C3orf52: variants seen among roughly 807,000 people sequenced by gnomAD.
C3orf52 encodes TPA-induced transmembrane protein.
C3orf52 carries 22 observed loss-of-function variants against 24.8 expected under a neutral mutation model. That is an observed-to-expected ratio of 0.89 (90% CI 0.63 to 1.27). C3orf52 has a LOEUF of 1.27. Among genes scored for constraint, C3orf52 ranks in the 50% most tolerant of loss-of-function variants. The probability of loss-of-function intolerance (pLI) is 0.00; values close to 1 mark genes in which losing one functional copy is unlikely to be tolerated. For synonymous variants in C3orf52, 93 were observed against 100.2 expected (o/e 0.93, Z 0.43); for missense variants, 265 against 260.7 (o/e 1.02, Z -0.11).
downstream of C3orf52, chr3:112,129,138 A>G (rs1492483): frequency 0.4 from 60,298 of 152,012 alleles, 11,999 homozygotes; most frequent in South Asian, 0.45. Context: ...TGTGCTTCAG[A>G]CCGTTTGCTT....
intron 4 of C3orf52, 199 bp downstream of exon 4, chr3:112,109,812 G>T: frequency 2.2e-6 from 1 of 453,370 alleles, no homozygotes; most frequent in Non-Finnish European, 4.0e-6. Context: ...ATGAGAAAAA[G>T]GAAGCCCAGA....
At chr3:112,107,937 A>G (rs961321838) in intron 3 of C3orf52, among the ~76,000 whole-genome samples, 1 of 152,224 alleles carries the variant, frequency 6.6e-6, no homozygotes, top group Admixed American at 6.5e-5. Flanking sequence ...TAAGCTCCCC[A>G]TAGGGCACTG....
chr3:112,127,703 T>G (rs2074359389), intron 4 of C3orf52, among the ~76,000 whole-genome samples: 1 of 152,240 alleles, frequency 6.6e-6, no homozygotes, highest in Non-Finnish European at 1.5e-5. Flanking sequence ...GTGCAAGGGA[T>G]AGAAATGTGT....
intron 4 of C3orf52, among the ~76,000 whole-genome samples, chr3:112,127,769 G>A (rs547497291): frequency 2.0e-5 from 3 of 152,274 alleles, no homozygotes; most frequent in Non-Finnish European, 4.4e-5. Flanking sequence ...TGTTTTCTAC[G>A]TTAGTAGCTA....
downstream of C3orf52, chr3:112,135,135 G>C (rs2074538175): frequency 6.5e-6 from 1 of 154,588 alleles, no homozygotes; most frequent in African/African-American, 2.4e-5. Flanking sequence ...CAGACAAAAG[G>C]TTAAAAAAGA....
chr3:112,104,282 A>G (rs1010360033), intron 3 of C3orf52, among the ~76,000 whole-genome samples: 14 of 152,198 alleles, frequency 9.2e-5, no homozygotes, highest in African/African-American at 3.4e-4. Flanking sequence ...TGGGTGGGGC[A>G]TCCTGATCAT....
chr3:112,115,398 T>TA (rs980775416), intron 5 of C3orf52, among the ~76,000 whole-genome samples: 4 of 152,254 alleles, frequency 2.6e-5, no homozygotes, highest in Non-Finnish European at 5.9e-5. Context: ...AATGAGTTCT[T>TA]ACGCCAGTTT....
chr3:112,108,063 A>C (rs79535309), intron 3 of C3orf52, among the ~76,000 whole-genome samples: 7,386 of 152,300 alleles, frequency 0.048, 222 homozygotes, highest in South Asian at 0.1. Context: ...GGATTCAGAT[A>C]TCTGAAACAC....
At position 112,111,114 on chromosome 3, in the gene C3orf52, C is replaced by T. The variant is rs141578991; in HGVS notation, c.467+1501C>T. ...AACCCAGCTACTTGGGAGGCTGAAG[C>T]GGGAGAATTGTGTGAACCAGGGAGT... On this transcript the variant is annotated intron_variant, in intron 4 of 5. Coordinates refer to ENST00000264848, the MANE Select transcript of C3orf52 (RefSeq NM_024616.3). Among the ~76,000 whole-genome samples the T allele has an allele frequency of 2.6e-3, 399 of 152,300 alleles. 1 individual carries two copies. Among genetic ancestry groups the T allele is most frequent in the Middle Eastern group, 6.8e-3 (2 of 294 alleles).
At chr3:112,104,466 C>T (rs1201180668) in intron 3 of C3orf52, among the ~76,000 whole-genome samples, 1 of 152,132 alleles carries the variant, frequency 6.6e-6, no homozygotes, top group East Asian at 1.9e-4. Flanking sequence ...CCTGAAGAGG[C>T]GATTCCATCC....
intron 2 of C3orf52, among the ~76,000 whole-genome samples, chr3:112,100,211 C>T (rs906990021): frequency 1.1e-4 from 17 of 152,298 alleles, no homozygotes; most frequent in African/African-American, 2.9e-4. Flanking sequence ...CTACTTTCTT[C>T]GTGGGCGATG....
intron 3 of C3orf52, among the ~76,000 whole-genome samples, chr3:112,109,082 G>A (rs919217202): frequency 2.0e-5 from 3 of 152,174 alleles, no homozygotes; most frequent in African/African-American, 7.2e-5. Flanking sequence ...TCCAGGGGAT[G>A]TGCTAGACCC....
Position 112,093,377 on chromosome 3 carries a change from C to T in C3orf52, c.156C>T (p.Pro52=). ...CTTTCTAGGCTAACAAGGAAAGCCC[C>T]TGGAGCTCCTGTAATAAGAATGTGG... ...VPPAEANKES[P]WSSCNKNVVG... Residue 52 remains proline (P), a synonymous_variant, in exon 2 of 6, where the codon CCC becomes CCT. Transcript: ENST00000264848. 1 of 1,613,924 alleles carries T rather than the reference C, an allele frequency of 6.2e-7. No individual in the cohort carries two copies. Among genetic ancestry groups the T allele is most frequent in the Non-Finnish European group, 8.5e-7 (1 of 1,179,860 alleles).
rs1364049600 is a variant in C3orf52 at position 112,113,138 on chromosome 3, G to A, written c.642G>A (p.Leu214=). Residue 214 remains leucine (L), a synonymous_variant, in exon 5 of 6, where the codon TTG becomes TTA. Coordinates refer to ENST00000264848, the MANE Select transcript of C3orf52 (RefSeq NM_024616.3). ...TGGGGCTTGATCCAACATCCCTCTT[G>A]CTCTATGGTAAGTAGAGCAAGTAAA... ...ESLGLDPTSL[L]LYE is the part of the protein sequence containing the mutation. The A allele has an allele frequency of 2.5e-6, 4 of 1,603,564 alleles. No homozygotes were observed. Among genetic ancestry groups the A allele is most frequent in the Non-Finnish European group, 3.4e-6 (4 of 1,175,434 alleles).
At chr3:112,103,154 G>A (rs2073990465) in intron 3 of C3orf52, among the ~76,000 whole-genome samples, 189 bp downstream of exon 3, 1 of 152,134 alleles carries the variant, frequency 6.6e-6, no homozygotes, top group African/African-American at 2.4e-5. Context: ...ACAAGTGGGA[G>A]CTAAATGATG....
chr3:112,087,776 T>A (rs535920203), intron 1 of C3orf52, among the ~76,000 whole-genome samples: 9,199 of 152,248 alleles, frequency 0.06, 377 homozygotes, highest in African/African-American at 0.12. Flanking sequence ...CAGGGCGGTG[T>A]CCAGGAATGG....
At chr3:112,112,715 C>CTAGGAA in intron 4 of C3orf52, 1 of 491,692 alleles carries the variant, frequency 2.0e-6, no homozygotes, top group Non-Finnish European at 3.8e-6. Flanking sequence ...CTGATGGCCT[C>CTAGGAA]TCCCAGTGGA....
intron 4 of C3orf52, chr3:112,123,474 G>C: frequency 6.2e-7 from 1 of 1,614,066 alleles, no homozygotes; most frequent in Non-Finnish European, 8.5e-7. Context: ...GGAAAACTGA[G>C]TCTCAGAAGG....
At chr3:112,095,599 A>G (rs1412584675) in intron 2 of C3orf52, among the ~76,000 whole-genome samples, 1 of 152,232 alleles carries the variant, frequency 6.6e-6, no homozygotes, top group Non-Finnish European at 1.5e-5. Flanking sequence ...TATTCAGGGA[A>G]GAATTTTTTT....
Sources: allele counts gnomAD v4.1 joint callset (sites outside exome capture counted in the v4.1 genomes callset), GRCh38; gene constraint gnomAD v4.1.1; transcripts MANE v1.5; gene names NCBI Gene and HGNC (gene_info 2026-07-23, HGNC 2026-07-21).